TSGA10: variants seen among roughly 807,000 people sequenced by gnomAD.
TSGA10 encodes testis specific 10.
TSGA10 carries 43 observed loss-of-function variants against 96.6 expected under a neutral mutation model. The ratio of observed to expected loss-of-function variants is 0.44; its 90% CI spans 0.35 to 0.57. The LOEUF (loss-of-function observed/expected upper bound fraction) is 0.57. Ranked by LOEUF, TSGA10 falls within the 20% of genes least tolerant of loss-of-function variation. TSGA10 has a pLI of 0.01. For synonymous variants in TSGA10, 229 were observed against 269.9 expected (o/e 0.85, Z 1.48); for missense variants, 703 against 834.4 (o/e 0.84, Z 1.94).
chr2:99,097,439 T>A (rs2090187119), intron 10 of TSGA10, among the ~76,000 whole-genome samples: 1 of 152,172 alleles, frequency 6.6e-6, no homozygotes, highest in African/African-American at 2.4e-5. Context: ...TATATAGTTA[T>A]ACACACATGT....
chr2:98,998,318 CG>C, intron 20 of TSGA10, 97 bp from the exon 21 acceptor site: 1 of 999,554 alleles, frequency 1.0e-6, no homozygotes, highest in Non-Finnish European at 1.5e-6. Flanking sequence ...TTCAGCAAAA[CG>C]TAAGATTTTT....
chr2:99,055,027 G>A (rs2083812385), intron 16 of TSGA10, among the ~76,000 whole-genome samples: 1 of 152,148 alleles, frequency 6.6e-6, no homozygotes, highest in Non-Finnish European at 1.5e-5. Flanking sequence ...CAAAGGAAAT[G>A]AAATCAGTAT....
chr2:99,081,425 T>C, intron 10 of TSGA10, 28 bp from the exon 11 acceptor site: 2 of 1,383,110 alleles, frequency 1.4e-6, no homozygotes, highest in Non-Finnish European at 2.0e-6. Flanking sequence ...ATAAAACTAA[T>C]TCTGAAATTT....
intron 10 of TSGA10, among the ~76,000 whole-genome samples, chr2:99,088,484 GA>G (rs1332348729): frequency 1.3e-5 from 2 of 152,118 alleles, no homozygotes; most frequent in Non-Finnish European, 2.9e-5. Flanking sequence ...ATCCCCCCTC[GA>G]TAAGAGGGGA....
At chr2:99,008,964 C>A (rs748022318) in intron 20 of TSGA10, among the ~76,000 whole-genome samples, 18 of 152,108 alleles carry the variant, frequency 1.2e-4, no homozygotes, top group Non-Finnish European at 1.2e-4. Flanking sequence ...AGATATGTAT[C>A]TGTGTATCAT....
intron 17 of TSGA10, among the ~76,000 whole-genome samples, chr2:99,024,515 A>G (rs990953135): frequency 2.0e-5 from 3 of 152,166 alleles, no homozygotes; most frequent in African/African-American, 7.2e-5. Context: ...CTTGTGTCCT[A>G]CAACCCTGAT....
intron 10 of TSGA10, among the ~76,000 whole-genome samples, chr2:99,100,927 TA>T (rs950274201): frequency 3.2e-4 from 37 of 116,794 alleles, no homozygotes; most frequent in South Asian, 5.3e-4. Flanking sequence ...TTTTCTCAGT[TA>T]AAAAAAAAAG....
Position 99,020,458 on chromosome 2 carries a change from G to A in TSGA10, c.1639C>T (p.His547Tyr). 1 of 1,612,982 alleles carries A rather than the reference G, an allele frequency of 6.2e-7. No individual in the cohort carries two copies. Among genetic ancestry groups the A allele is most frequent in the Non-Finnish European group, 8.5e-7 (1 of 1,179,214 alleles). Residue 547 changes from histidine (H) to tyrosine (Y), a missense_variant, in exon 18 of 21, where the codon CAT becomes TAT. This residue lies in a region of TSGA10 where 585 missense variants were observed against 656.8 expected (regional missense o/e 0.89). Coordinates refer to ENST00000393483, the MANE Select transcript of TSGA10 (RefSeq NM_025244.4). Reference sequence around the variant, plus strand: ...CTCCTCAGGAGTTCAATTTCAGAATGAGCAGAATCTAACTCATTCTCCCTC... The same window carrying A: ...CTCCTCAGGAGTTCAATTTCAGAATAAGCAGAATCTAACTCATTCTCCCTC... ...EMRENELDSAHSEIELLRSQM... is the reference protein window; with the variant it reads ...EMRENELDSAYSEIELLRSQM...
intron 20 of TSGA10, among the ~76,000 whole-genome samples, chr2:99,016,231 C>T (rs552627376): frequency 1.3e-5 from 2 of 152,264 alleles, no homozygotes; most frequent in East Asian, 3.9e-4. Context: ...CATCACATTA[C>T]CTGACTTCAA....
chr2:99,014,780 T>C (rs1467159364), intron 20 of TSGA10, among the ~76,000 whole-genome samples: 2 of 151,946 alleles, frequency 1.3e-5, no homozygotes, highest in African/African-American at 4.8e-5. Flanking sequence ...AGATCCAAAT[T>C]AGCTCAATGA....
chr2:99,035,530 AAG>A, intron 16 of TSGA10, 91 bp from the exon 17 acceptor site: 1 of 791,506 alleles, frequency 1.3e-6, no homozygotes, highest in East Asian at 2.8e-5. Context: ...GGGCAAATCT[AAG>A]AGTAGTGCAC....
intron 20 of TSGA10, among the ~76,000 whole-genome samples, chr2:99,014,647 C>A (rs2079328682): frequency 1.3e-5 from 2 of 148,644 alleles, no homozygotes; most frequent in South Asian, 4.2e-4. Flanking sequence ...AAGATCAGAG[C>A]AGAATTAAAT....
intron 5 of TSGA10, among the ~76,000 whole-genome samples, chr2:99,110,242 A>G (rs2091682634): frequency 6.6e-6 from 1 of 152,236 alleles, no homozygotes; most frequent in African/African-American, 2.4e-5. Context: ...TCAATGCGTG[A>G]ATAAATTAAC....
chr2:99,139,900 T>C (rs747052622), intron 1 of TSGA10, among the ~76,000 whole-genome samples: 21 of 152,062 alleles, frequency 1.4e-4, no homozygotes, highest in Non-Finnish European at 2.2e-4. Flanking sequence ...GAAAGAAATA[T>C]GTAATCTGAA....
chr2:99,105,537 T>C lies in TSGA10; in HGVS notation c.371A>G (p.Glu124Gly), dbSNP rs755256846. 1.9e-6 allele frequency: 3 copies of C among 1,612,310 alleles called. No homozygotes were observed. Among genetic ancestry groups the C allele is most frequent in the Admixed American group, 1.7e-5 (1 of 59,968 alleles). The change falls in exon 8 of 21, where the codon GAG becomes GGG. Residue 124 changes from glutamate to glycine, a missense_variant. Transcript: ENST00000393483. The stretch of plus-strand genomic sequence containing the variant: ...AAAATCCTTTCCAACCTTTAGCCTC[T>C]CCCTTAGACTATCTCGTTCTGTGGT... ...RMTTERDSLR[E>G]RLKIAQETAF...
rs1204202317 is a variant in TSGA10, at chr2:99,103,948, T to G, written c.611+19A>C. Reference sequence around the variant, plus strand: ...TAGTTATAGTAAACTGTTGGTTGTTTAAAGGTGATTTAGTTTACCTCAAAG... The same window carrying G: ...TAGTTATAGTAAACTGTTGGTTGTTGAAAGGTGATTTAGTTTACCTCAAAG... On this transcript the variant is annotated intron_variant, in intron 10 of 20. Coordinates refer to ENST00000393483, the MANE Select transcript of TSGA10 (RefSeq NM_025244.4). 5 of 1,612,770 alleles carry G rather than the reference T, an allele frequency of 3.1e-6. No homozygotes were observed. In the African/African-American group the frequency reaches 6.7e-5, roughly 22 times the overall value.
At chr2:99,080,822 T>C (rs1488721317) in intron 11 of TSGA10, among the ~76,000 whole-genome samples, 1 of 152,066 alleles carries the variant, frequency 6.6e-6, no homozygotes, top group African/African-American at 2.4e-5. Context: ...ATAAGAAACT[T>C]TAAAAAAGTA....
chr2:99,043,175 A>AT (rs1429093469), intron 16 of TSGA10, among the ~76,000 whole-genome samples: 7 of 117,198 alleles, frequency 6.0e-5, no homozygotes, highest in African/African-American at 3.6e-4. Context: ...GATTATAAAA[A>AT]AATATATAAA....
chr2:99,073,065 G>A lies in TSGA10; in HGVS notation c.891C>T (p.Thr297=). Reference sequence around the variant, plus strand: ...CAATGATATTCTTCATGCCTGAAATGGTCTTTTCCTTGAAAAATAATATAA... The same window carrying A: ...CAATGATATTCTTCATGCCTGAAATAGTCTTTTCCTTGAAAAATAATATAA... The part of the protein sequence containing the change: ...LGESLAMKEK[T]ISGMKNIIAE... The change falls in exon 13 of 21, where the codon ACC becomes ACT. Residue 297 remains threonine (T), a synonymous_variant. Coordinates refer to ENST00000393483, the MANE Select transcript of TSGA10 (RefSeq NM_025244.4). The A allele has an allele frequency of 6.3e-7, 1 of 1,595,376 alleles. No homozygotes were observed. The highest frequency in any genetic ancestry group is 2.2e-5 in the East Asian group (1 of 44,522).
Sources: gnomAD v4.1 joint callset for allele counts (sites outside exome capture counted in the v4.1 genomes callset) on GRCh38, gnomAD v4.1.1 for gene constraint, gnomAD v4.1.1 regional missense constraint, MANE v1.5 for transcripts, NCBI Gene and HGNC (gene_info 2026-07-23, HGNC 2026-07-21) for gene names.